LRFN5: variants seen among roughly 807,000 people sequenced by gnomAD.
LRFN5 encodes the protein leucine rich repeat and fibronectin type III domain containing 5, also known as leucine-rich repeat and fibronectin type-III domain-containing protein 5.
LRFN5 carries 24 observed loss-of-function variants against 45.6 expected under a neutral mutation model. The ratio of observed to expected loss-of-function variants is 0.53; its 90% confidence interval spans 0.38 to 0.74. The LOEUF is 0.74. Ranked by LOEUF, LRFN5 falls within the 30% of genes least tolerant of loss-of-function variation. The pLI, the probability that LRFN5 is intolerant of heterozygous loss-of-function variation, is 0.00. For missense variants in LRFN5, 776 were observed against 861.5 expected (o/e 0.90, Z 1.24); for synonymous variants, 340 against 313.8 (o/e 1.08, Z -0.88).
intron 1 of LRFN5, among the ~76,000 whole-genome samples, chr14:41,662,055 G>A (rs1880680500): frequency 6.6e-6 from 1 of 152,050 alleles, no homozygotes; most frequent in Non-Finnish European, 1.5e-5. Context: ...TGAGCAGCAA[G>A]CACAAACTTA....
rs182542148 is a variant in LRFN5 at position 41,660,580 on chromosome 14, C to T, written c.-197+52018C>T. ...TAAAGAGTTATCCCTTTATTGTAGACATTGGAAACAGTTTGTCTGTTATTC... is the reference window on the plus strand; with the variant it reads ...TAAAGAGTTATCCCTTTATTGTAGATATTGGAAACAGTTTGTCTGTTATTC... On this transcript the variant is annotated intron_variant, in intron 1 of 5. Transcript: ENST00000298119. 4.8e-4 allele frequency among the ~76,000 whole-genome samples: 73 copies of T among 152,078 alleles called. 1 individual carries two copies. The highest frequency in any genetic ancestry group is 8.2e-4 in the Non-Finnish European group (56 of 67,934).
chr14:41,637,855 G>A (rs764799488), intron 1 of LRFN5, among the ~76,000 whole-genome samples: 16 of 152,112 alleles, frequency 1.1e-4, no homozygotes, highest in Non-Finnish European at 2.1e-4. Context: ...ATTGTCATGT[G>A]AATTTAGCAC....
At chr14:41,623,406 A>G (rs1416056164) in intron 1 of LRFN5, among the ~76,000 whole-genome samples, 1 of 152,052 alleles carries the variant, frequency 6.6e-6, no homozygotes, top group African/African-American at 2.4e-5. Flanking sequence ...TTTCCTTTAT[A>G]AATTACCTAG....
chr14:41,713,470 T>G (rs1312897998), intron 1 of LRFN5, among the ~76,000 whole-genome samples: 1 of 151,910 alleles, frequency 6.6e-6, no homozygotes, highest in East Asian at 1.9e-4. Context: ...TGAAGATATA[T>G]GTAACACATA....
intron 1 of LRFN5, among the ~76,000 whole-genome samples, chr14:41,740,878 T>C: frequency 6.6e-6 from 1 of 152,030 alleles, no homozygotes; most frequent in East Asian, 1.9e-4. Flanking sequence ...TTAATAAAGT[T>C]GTAGTTTATG....
intron 2 of LRFN5, among the ~76,000 whole-genome samples, chr14:41,860,475 T>C (rs1266412328): frequency 6.6e-6 from 1 of 152,226 alleles, no homozygotes; most frequent in Non-Finnish European, 1.5e-5. Flanking sequence ...TTCATCAAAA[T>C]AGACTATTCT....
At chr14:41,628,824 C>T (rs1018389662) in intron 1 of LRFN5, among the ~76,000 whole-genome samples, 1 of 152,006 alleles carries the variant, frequency 6.6e-6, no homozygotes, top group Non-Finnish European at 1.5e-5. Flanking sequence ...TTCGTGTGCC[C>T]TGGCAGTGTG....
chr14:41,695,004 C>T lies in LRFN5; in HGVS notation c.-196-71850C>T, dbSNP rs570075383. On this transcript the variant is annotated intron_variant, in intron 1 of 5. Transcript: ENST00000298119. Reference sequence around the variant, plus strand: ...GCTAGACTTCTTGCACCAAACAGCTCAGTTGTAAATACAAAAGTTATTGAA... The same window carrying T: ...GCTAGACTTCTTGCACCAAACAGCTTAGTTGTAAATACAAAAGTTATTGAA... Among the ~76,000 whole-genome samples, 8 of 152,018 alleles carry T rather than the reference C, an allele frequency of 5.3e-5. No homozygotes were observed. The East Asian group carries it at 1.5e-3, about 29-fold the overall frequency.
At chr14:41,650,025 A>G (rs1415981701) in intron 1 of LRFN5, among the ~76,000 whole-genome samples, 1 of 152,222 alleles carries the variant, frequency 6.6e-6, no homozygotes, top group African/African-American at 2.4e-5. Context: ...TTCACTGTGT[A>G]AACATTTTAT....
chr14:41,733,271 T>C (rs28855816), intron 1 of LRFN5, among the ~76,000 whole-genome samples: 6,896 of 152,074 alleles, frequency 0.045, 560 homozygotes, highest in East Asian at 0.38. Flanking sequence ...CACACCTAAA[T>C]ACATTATATA....
intron 2 of LRFN5, among the ~76,000 whole-genome samples, chr14:41,878,301 A>G (rs977042173): frequency 2.2e-4 from 33 of 152,178 alleles, no homozygotes; most frequent in Non-Finnish European, 7.4e-5. Context: ...TAATTGAATT[A>G]ATAGCATTCT....
At chr14:41,893,285 G>A (rs1594503451) in intron 4 of LRFN5, 1 of 946,530 alleles carries the variant, frequency 1.1e-6, no homozygotes. Flanking sequence ...TGAAATTAAG[G>A]TCTATAGATA....
chr14:41,709,032 TTTTC>T (rs1162401828), intron 1 of LRFN5, among the ~76,000 whole-genome samples: 3 of 151,956 alleles, frequency 2.0e-5, no homozygotes, highest in African/African-American at 7.2e-5. Context: ...CTAGGTTTAT[TTTTC>T]TTTCTTTATT....
intron 1 of LRFN5, among the ~76,000 whole-genome samples, chr14:41,753,565 T>C (rs1241571087): frequency 1.3e-5 from 2 of 152,128 alleles, no homozygotes; most frequent in African/African-American, 4.8e-5. Context: ...TGGCTCTCTG[T>C]TTGTCTGTTA....
intron 2 of LRFN5, among the ~76,000 whole-genome samples, chr14:41,814,343 T>C (rs1006446709): frequency 6.6e-6 from 1 of 152,182 alleles, no homozygotes; most frequent in Non-Finnish European, 1.5e-5. Context: ...GGGGCTACAC[T>C]TCACTATAAA....
At chr14:41,855,084 T>G (rs1889406679) in intron 2 of LRFN5, among the ~76,000 whole-genome samples, 1 of 152,172 alleles carries the variant, frequency 6.6e-6, no homozygotes, top group Admixed American at 6.6e-5. Flanking sequence ...CACATTTCAG[T>G]GGACACTTGT....
chr14:41,701,895 A>G (rs1882854502), intron 1 of LRFN5, among the ~76,000 whole-genome samples: 1 of 152,156 alleles, frequency 6.6e-6, no homozygotes, highest in South Asian at 2.1e-4. Context: ...CGGAACCTCA[A>G]GCCCAACCCC....
chr14:41,642,624 A>G (rs1011158190), intron 1 of LRFN5, among the ~76,000 whole-genome samples: 1 of 152,212 alleles, frequency 6.6e-6, no homozygotes, highest in Admixed American at 6.5e-5. Context: ...ACTGGCATAG[A>G]TTCCAGGACT....
At chr14:41,683,868 C>T (rs1566619809) in intron 1 of LRFN5, among the ~76,000 whole-genome samples, 1 of 152,186 alleles carries the variant, frequency 6.6e-6, no homozygotes, top group East Asian at 1.9e-4. Flanking sequence ...AATGTCCATA[C>T]TGCCCAAGGT....
Sources: allele counts gnomAD v4.1 joint callset (sites outside exome capture counted in the v4.1 genomes callset), GRCh38; gene constraint gnomAD v4.1.1; transcripts MANE v1.5; gene names NCBI Gene and HGNC (gene_info 2026-07-23, HGNC 2026-07-21).